EBF1: variants seen among roughly 807,000 people sequenced by gnomAD.
The protein encoded by EBF1 is transcription factor COE1.
In EBF1, 10 loss-of-function variants were observed where a neutral mutation model predicts 68.4. The observed-to-expected ratio is 0.15, with a 90% CI of 0.09 to 0.25. EBF1 has a LOEUF of 0.25. Ranked by LOEUF, EBF1 falls within the 10% of genes least tolerant of loss-of-function variation. EBF1 has a pLI of 1.00. For missense variants in EBF1, 509 were observed against 794.4 expected, an observed-to-expected ratio of 0.64 and a Z score of 4.32; for synonymous variants, 298 against 299.8, an observed-to-expected ratio of 0.99 and a Z score of 0.06.
rs188661994 is a variant in EBF1 at position 158,860,831 on chromosome 5, A to G, written c.555-20721T>C. On this transcript the variant is annotated intron_variant, in intron 6 of 15. Coordinates refer to ENST00000313708, the MANE Select transcript of EBF1 (RefSeq NM_024007.5). Reference sequence around the variant, plus strand: ...AAATCCCTTTTGCCTCAGAACTCTGATATCGCCATCATGACATCCACCTCC... The same window carrying G: ...AAATCCCTTTTGCCTCAGAACTCTGGTATCGCCATCATGACATCCACCTCC... Among the ~76,000 whole-genome samples, 54 of 152,188 alleles carry G rather than the reference A, an allele frequency of 3.5e-4. No homozygotes were observed. The East Asian group carries it at 7.9e-3, about 22-fold the overall frequency.
chr5:158,747,450 C>T (rs1767835840), intron 10 of EBF1, among the ~76,000 whole-genome samples: 2 of 152,154 alleles, frequency 1.3e-5, no homozygotes. Context: ...AAAAAGACAA[C>T]ATCAAATCTG....
chr5:158,999,706 T>G (rs376330597), intron 6 of EBF1, among the ~76,000 whole-genome samples: 6 of 152,352 alleles, frequency 3.9e-5, no homozygotes, highest in African/African-American at 1.4e-4. Context: ...TGTATTTTTT[T>G]CTTTCTTCTT....
chr5:159,086,659 T>C (rs1584516679), intron 4 of EBF1, among the ~76,000 whole-genome samples: 2 of 152,164 alleles, frequency 1.3e-5, no homozygotes, highest in Non-Finnish European at 1.5e-5. Context: ...TGTTGACTAG[T>C]TCCACTATTG....
At chr5:158,941,111 G>C (rs1813267899) in intron 6 of EBF1, 1 of 445,932 alleles carries the variant, frequency 2.2e-6, no homozygotes, top group Non-Finnish European at 4.5e-6. Flanking sequence ...GCTGTATTGG[G>C]GTGGACAGAA....
intron 6 of EBF1, among the ~76,000 whole-genome samples, chr5:158,860,974 T>A (rs1350939808): frequency 1.3e-5 from 2 of 152,160 alleles, no homozygotes; most frequent in Non-Finnish European, 2.9e-5. Flanking sequence ...AAGACGACAC[T>A]CAGTTTTAGC....
At chr5:158,956,746 C>A (rs1374728586) in intron 6 of EBF1, among the ~76,000 whole-genome samples, 1 of 149,370 alleles carries the variant, frequency 6.7e-6, no homozygotes, top group Non-Finnish European at 1.5e-5. Context: ...CCTCTGCCAC[C>A]AACACTTCTT....
intron 6 of EBF1, among the ~76,000 whole-genome samples, chr5:158,890,833 C>T (rs534359546): frequency 6.6e-6 from 1 of 152,294 alleles, no homozygotes; most frequent in African/African-American, 2.4e-5. Context: ...ACTCAATCAG[C>T]TTTGATGGTA....
chr5:158,774,080 G>A (rs1774503065), intron 10 of EBF1, among the ~76,000 whole-genome samples: 1 of 152,176 alleles, frequency 6.6e-6, no homozygotes, highest in Non-Finnish European at 1.5e-5. Flanking sequence ...TCTAGAAAGT[G>A]CTATTGAGCT....
chr5:158,718,962 C>T (rs1312966546), intron 11 of EBF1, among the ~76,000 whole-genome samples: 2 of 152,138 alleles, frequency 1.3e-5, no homozygotes, highest in Non-Finnish European at 1.5e-5. Context: ...TAAGCTCCTA[C>T]CATAATGTTT....
chr5:158,810,553 G>A (rs943023924), intron 8 of EBF1, among the ~76,000 whole-genome samples: 3 of 152,096 alleles, frequency 2.0e-5, no homozygotes, highest in African/African-American at 7.2e-5. Context: ...CTGTGTCCCT[G>A]TTCCCTGGGT....
At chr5:158,901,084 G>GC (rs1469687930) in intron 6 of EBF1, among the ~76,000 whole-genome samples, 1 of 152,222 alleles carries the variant, frequency 6.6e-6, no homozygotes, top group Admixed American at 6.5e-5. Context: ...GGACTATTGA[G>GC]CCAGAAGTAT....
intron 6 of EBF1, among the ~76,000 whole-genome samples, chr5:158,894,791 G>C (rs1801853923): frequency 6.6e-6 from 1 of 152,094 alleles, no homozygotes; most frequent in South Asian, 2.1e-4. Flanking sequence ...TGATTTCAAT[G>C]GGCTTTTACA....
At chr5:158,754,475 G>C (rs931742161) in intron 10 of EBF1, among the ~76,000 whole-genome samples, 10 of 152,136 alleles carry the variant, frequency 6.6e-5, no homozygotes, top group African/African-American at 2.4e-4. Context: ...GAATTTCCTA[G>C]CAAAATGCTC....
intron 6 of EBF1, among the ~76,000 whole-genome samples, chr5:158,921,180 G>A (rs549323564): frequency 6.6e-6 from 1 of 152,292 alleles, no homozygotes; most frequent in African/African-American, 2.4e-5. Context: ...TGATTACAGA[G>A]GGAAGAACCC....
At chr5:158,750,805 T>C (rs1768683584) in intron 10 of EBF1, among the ~76,000 whole-genome samples, 1 of 151,992 alleles carries the variant, frequency 6.6e-6, no homozygotes, top group Non-Finnish European at 1.5e-5. Context: ...AAAATCTTCA[T>C]AAAGGGATAG....
intron 10 of EBF1, among the ~76,000 whole-genome samples, chr5:158,760,895 ATGCAG>A (rs1301066751): frequency 6.6e-6 from 1 of 152,202 alleles, no homozygotes; most frequent in African/African-American, 2.4e-5. Context: ...ACTAAATAAG[ATGCAG>A]TATCTGAAAG....
At chr5:158,845,229 T>C (rs1791222758) in intron 6 of EBF1, among the ~76,000 whole-genome samples, 2 of 152,290 alleles carry the variant, frequency 1.3e-5, no homozygotes, top group African/African-American at 4.8e-5. Context: ...GGGCAAGAGC[T>C]TGCATTGGAG....
chr5:159,068,955 A>G (rs1318120024), intron 6 of EBF1, among the ~76,000 whole-genome samples: 1 of 152,134 alleles, frequency 6.6e-6, no homozygotes, highest in Non-Finnish European at 1.5e-5. Flanking sequence ...ATAGCCATAC[A>G]CATAGATACA....
intron 6 of EBF1, among the ~76,000 whole-genome samples, chr5:159,052,587 C>G (rs1773977809): frequency 6.6e-6 from 1 of 152,166 alleles, no homozygotes; most frequent in African/African-American, 2.4e-5. Context: ...TGTTTTTTCT[C>G]CCTCGCTCTC....
Sources: gnomAD v4.1 joint callset for allele counts (sites outside exome capture counted in the v4.1 genomes callset) on GRCh38, gnomAD v4.1.1 for gene constraint, MANE v1.5 for transcripts, NCBI Gene and HGNC (gene_info 2026-07-23, HGNC 2026-07-21) for gene names.